Variants in THSD7B observed in about 807,000 individuals in gnomAD.
THSD7B encodes thrombospondin type 1 domain containing 7B.
Under a neutral mutation model 213.6 loss-of-function variants are expected in THSD7B, and 138 were observed. That is an observed-to-expected ratio of 0.65 (90% CI 0.56 to 0.74). THSD7B has a LOEUF of 0.74. THSD7B is among the 30% of genes least tolerant of loss of function. THSD7B has a pLI of 0.00. For missense variants in THSD7B, 1,931 were observed against 1,991.5 expected (o/e 0.97, Z 0.58); for synonymous variants, 742 against 687.0 (o/e 1.08, Z -1.25).
intron 15 of THSD7B, among the ~76,000 whole-genome samples, chr2:137,491,806 G>GA (rs1260082009): frequency 1.2e-4 from 18 of 151,752 alleles, no homozygotes; most frequent in South Asian, 4.2e-4. Context: ...GACAAATTGG[G>GA]AAAAAAAATT....
chr2:136,937,363 A>G (rs1006466877), intron 2 of THSD7B, among the ~76,000 whole-genome samples: 4 of 151,828 alleles, frequency 2.6e-5, no homozygotes, highest in Non-Finnish European at 5.9e-5. Context: ...GACAGTCCTC[A>G]TCAATCTTCT....
chr2:137,605,648 CTTTTTTTTTTTTTTT>C (rs34604281), intron 17 of THSD7B, among the ~76,000 whole-genome samples: 139 of 68,998 alleles, frequency 2.0e-3, no homozygotes, highest in Middle Eastern at 0.015. Flanking sequence ...GCACTTCGCA[CTTTTTTTTTTTTTTT>C]TTTTTTTTTT....
At chr2:137,675,650 C>T (rs1011614582) in intron 27 of THSD7B, among the ~76,000 whole-genome samples, 1 of 151,922 alleles carries the variant, frequency 6.6e-6, no homozygotes, top group Non-Finnish European at 1.5e-5. Context: ...ACATTCAGCA[C>T]AGATCTTGGC....
rs940149157 is a variant in THSD7B at position 137,132,594 on chromosome 2, T to C, written c.1369+17301T>C. ...TAGATAAAGGCTAGACATCAAGATATAACCTTAGCACTATTGCTGTTTTCA... is the reference window on the plus strand; with the variant it reads ...TAGATAAAGGCTAGACATCAAGATACAACCTTAGCACTATTGCTGTTTTCA... On this transcript the variant is annotated intron_variant, in intron 5 of 27. Transcript: ENST00000409968. Among the ~76,000 whole-genome samples the C allele has an allele frequency of 5.9e-5, 9 of 152,298 alleles. No individual in the cohort carries two copies. In the East Asian group the frequency reaches 7.7e-4, roughly 13 times the overall value.
In THSD7B at chr2:137,330,408, G is replaced by A. The variant is rs559890163; in HGVS notation, c.2500+54382G>A. Among the ~76,000 whole-genome samples the A allele has an allele frequency of 5.6e-3, 858 of 152,298 alleles. 12 individuals are homozygous for A. The highest frequency in any genetic ancestry group is 0.02 in the South Asian group (95 of 4,822). On this transcript the variant is annotated intron_variant, in intron 12 of 27. Transcript: ENST00000409968. Reference sequence around the variant, plus strand: ...CTGTGAAAGTGTGTCCGTAATTGGTGGGTTCTTGGTCTCACTGACTTCAAG... The same window carrying A: ...CTGTGAAAGTGTGTCCGTAATTGGTAGGTTCTTGGTCTCACTGACTTCAAG...
At chr2:137,617,922 C>T (rs1046045406) in intron 18 of THSD7B, among the ~76,000 whole-genome samples, 8 of 152,080 alleles carry the variant, frequency 5.3e-5, no homozygotes, top group Non-Finnish European at 1.2e-4. Flanking sequence ...ATTCTAATTA[C>T]CCCCAAATGT....
intron 12 of THSD7B, among the ~76,000 whole-genome samples, chr2:137,404,171 C>T (rs916165307): frequency 1.3e-5 from 2 of 151,580 alleles, no homozygotes; most frequent in African/African-American, 2.4e-5. Context: ...TAAGGAACGA[C>T]TAGAGAGTTC....
intron 4 of THSD7B, among the ~76,000 whole-genome samples, chr2:137,112,494 A>G (rs1478102126): frequency 1.3e-5 from 2 of 152,224 alleles, no homozygotes; most frequent in African/African-American, 4.8e-5. Context: ...AGATATAGTC[A>G]TTAAACTCTT....
intron 2 of THSD7B, among the ~76,000 whole-genome samples, chr2:137,043,315 G>C (rs994276462): frequency 6.6e-6 from 1 of 152,170 alleles, no homozygotes; most frequent in Non-Finnish European, 1.5e-5. Flanking sequence ...CTGCTTAGAG[G>C]GCTCTTTTTC....
At chr2:137,235,830 C>T (rs1013286741) in intron 9 of THSD7B, among the ~76,000 whole-genome samples, 3 of 152,172 alleles carry the variant, frequency 2.0e-5, no homozygotes, top group African/African-American at 7.2e-5. Flanking sequence ...CTAACATACA[C>T]ACACAAATAT....
intron 2 of THSD7B, among the ~76,000 whole-genome samples, chr2:137,025,100 G>A (rs759013415): frequency 1.3e-5 from 2 of 152,132 alleles, no homozygotes; most frequent in Non-Finnish European, 2.9e-5. Context: ...TCTGCTGAGA[G>A]TTCCCCGTTA....
intron 15 of THSD7B, among the ~76,000 whole-genome samples, chr2:137,478,883 CTG>C (rs1425697348): frequency 6.6e-6 from 1 of 152,108 alleles, no homozygotes; most frequent in African/African-American, 2.4e-5. Context: ...TTAGTGGAGT[CTG>C]TGGTGAAAAT....
chr2:137,188,479 C>A (rs1012894094), intron 7 of THSD7B, among the ~76,000 whole-genome samples: 1 of 152,110 alleles, frequency 6.6e-6, no homozygotes, highest in Admixed American at 6.6e-5. Flanking sequence ...AAAAATAGAT[C>A]TTCCAATAAA....
At chr2:137,327,527 C>G (rs1363723749) in intron 12 of THSD7B, among the ~76,000 whole-genome samples, 1 of 152,048 alleles carries the variant, frequency 6.6e-6, no homozygotes, top group African/African-American at 2.4e-5. Flanking sequence ...TCTATCTTCC[C>G]ATTTACTCTT....
intron 5 of THSD7B, among the ~76,000 whole-genome samples, chr2:137,139,502 A>G (rs1679539569): frequency 6.6e-6 from 1 of 152,198 alleles, no homozygotes. Context: ...ATATGCTGCA[A>G]TGTGGCCCAG....
intron 2 of THSD7B, among the ~76,000 whole-genome samples, chr2:137,026,643 T>G (rs1019526511): frequency 2.0e-5 from 3 of 152,174 alleles, no homozygotes; most frequent in Non-Finnish European, 4.4e-5. Flanking sequence ...CTGCTTTGCT[T>G]CTTTGCTTCC....
intron 2 of THSD7B, among the ~76,000 whole-genome samples, chr2:136,894,700 G>A (rs1044629548): frequency 2.0e-5 from 3 of 152,140 alleles, no homozygotes; most frequent in Non-Finnish European, 2.9e-5. Context: ...CACGTAGAAC[G>A]TAATGTAGTT....
At chr2:137,023,129 G>A (rs1686476844) in intron 2 of THSD7B, among the ~76,000 whole-genome samples, 2 of 152,168 alleles carry the variant, frequency 1.3e-5, no homozygotes, top group Admixed American at 1.3e-4. Flanking sequence ...TGTTTATACA[G>A]AAGATGGAAA....
chr2:136,873,237 CA>C (rs1325669368), intron 1 of THSD7B, among the ~76,000 whole-genome samples: 1 of 151,974 alleles, frequency 6.6e-6, no homozygotes, highest in Non-Finnish European at 1.5e-5. Context: ...TACATGACAC[CA>C]AGCTATTGCA....
Sources: gnomAD v4.1 joint callset for allele counts (sites outside exome capture counted in the v4.1 genomes callset) on GRCh38, gnomAD v4.1.1 for gene constraint, MANE v1.5 for transcripts, NCBI Gene and HGNC (gene_info 2026-07-23, HGNC 2026-07-21) for gene names.